PHLDB2: variants seen among roughly 807,000 people sequenced by gnomAD.
The protein encoded by PHLDB2 is pleckstrin homology like domain family B member 2.
Under a neutral mutation model 123.6 loss-of-function variants are expected in PHLDB2, and 71 were observed. The observed-to-expected ratio is 0.57, with a 90% CI of 0.47 to 0.70. The LOEUF is 0.70. Ranked by LOEUF, PHLDB2 falls within the 30% of genes least tolerant of loss-of-function variation. The probability of loss-of-function intolerance (pLI) is 0.00; values close to 1 mark genes in which losing one functional copy is unlikely to be tolerated. For missense variants in PHLDB2, 1,446 were observed against 1,519.5 expected, an observed-to-expected ratio of 0.95 and a Z score of 0.80; for synonymous variants, 547 against 541.6, an observed-to-expected ratio of 1.01 and a Z score of -0.14.
At chr3:111,915,124 G>C (rs1255756801) in intron 3 of PHLDB2, 1 of 152,142 alleles carries the variant, frequency 6.6e-6, no homozygotes, top group African/African-American at 2.4e-5. Flanking sequence ...TAGGATTAAT[G>C]TATTGATTTG....
At chr3:111,818,577 T>C (rs1239816293) in intron 1 of PHLDB2, among the ~76,000 whole-genome samples, 2 of 152,148 alleles carry the variant, frequency 1.3e-5, no homozygotes, top group Non-Finnish European at 2.9e-5. Flanking sequence ...ATTTCCACAA[T>C]GCCATACACT....
At chr3:111,764,081 C>T (rs1005542604) in intron 1 of PHLDB2, among the ~76,000 whole-genome samples, 6 of 152,112 alleles carry the variant, frequency 3.9e-5, no homozygotes, top group African/African-American at 9.7e-5. Flanking sequence ...CCTTTGACAC[C>T]GCTACTCAAG....
chr3:111,829,350 A>G (rs1267327556), intron 1 of PHLDB2, among the ~76,000 whole-genome samples: 1 of 150,448 alleles, frequency 6.6e-6, no homozygotes, highest in East Asian at 1.9e-4. Context: ...GGAAGGTATC[A>G]TGCTCACTCA....
At chr3:111,968,069 C>G (rs540788894) in intron 15 of PHLDB2, among the ~76,000 whole-genome samples, 2 of 150,712 alleles carry the variant, frequency 1.3e-5, no homozygotes, top group Non-Finnish European at 2.9e-5. Context: ...ATGCATGGAA[C>G]GTTTTGCCAG....
chr3:111,945,345 T>A lies in PHLDB2; in HGVS notation c.2475T>A (p.Asn825Lys), dbSNP rs751038821. The stretch of plus-strand genomic sequence containing the variant: ...GGAAAGGGTTTCCCGTTAACCCCAA[T>A]ACTTTAAAAGAGGTAAGCTATGATT... ...SGGKGFPVNP[N>K]TLKEGYISVN... Residue 825 changes from asparagine to lysine, a missense_variant, in exon 9 of 18, where the codon AAT becomes AAA. Transcript: ENST00000431670. 2 of 1,600,936 alleles carry A rather than the reference T, an allele frequency of 1.2e-6. No individual in the cohort carries two copies. Among genetic ancestry groups the A allele is most frequent in the East Asian group, 2.2e-5 (1 of 44,804 alleles).
In PHLDB2 at chr3:111,873,099, A is replaced by C. The variant is rs78872502; in HGVS notation, c.-14-10965A>C. ...CTTTCCTCTACAGATATGCATGGCC[A>C]AGAAGAAATGGTGCATGGCTGTTTC... On this transcript the variant is annotated intron_variant, in intron 1 of 17. Transcript: ENST00000431670. Among the ~76,000 whole-genome samples, 928 of 152,334 alleles carry C rather than the reference A, an allele frequency of 6.1e-3. 10 individuals carry two copies. Among genetic ancestry groups the C allele is most frequent in the African/African-American group, 0.021 (872 of 41,568 alleles).
At position 111,885,421 on chromosome 3, in the gene PHLDB2, C is replaced by G; in HGVS notation, c.1335+9C>G. 6.2e-7 allele frequency: 1 copy of G among 1,613,986 alleles called. No individual in the cohort carries two copies. The highest frequency in any genetic ancestry group is 8.5e-7 in the Non-Finnish European group (1 of 1,180,030). ...AGGAAATGGAGCGATTGGTAATCTT[C>G]ATCTCAACAGTGATTGACCTCACTG... On this transcript the variant is annotated intron_variant, in intron 2 of 17. Coordinates refer to ENST00000431670, the MANE Select transcript of PHLDB2 (RefSeq NM_001134438.2).
intron 8 of PHLDB2, among the ~76,000 whole-genome samples, chr3:111,943,847 A>G (rs1464954169): frequency 6.6e-6 from 1 of 152,194 alleles, no homozygotes; most frequent in African/African-American, 2.4e-5. Context: ...ACATCCATCT[A>G]TGACCCAGCA....
chr3:111,799,703 T>A (rs983341096), intron 1 of PHLDB2, among the ~76,000 whole-genome samples: 5 of 152,194 alleles, frequency 3.3e-5, no homozygotes, highest in African/African-American at 4.8e-5. Flanking sequence ...ATACTGTGAA[T>A]ATCTTCCTAT....
At chr3:111,792,497 G>A (rs1467775614) in intron 1 of PHLDB2, among the ~76,000 whole-genome samples, 3 of 152,108 alleles carry the variant, frequency 2.0e-5, no homozygotes, top group African/African-American at 7.2e-5. Flanking sequence ...CTTGAGCCCA[G>A]AAGTTCAAGA....
chr3:111,749,205 A>C (rs925702485), intron 1 of PHLDB2, among the ~76,000 whole-genome samples: 13 of 152,290 alleles, frequency 8.5e-5, no homozygotes, highest in Admixed American at 8.5e-4. Context: ...AACCACCAAC[A>C]ATGTAAGATG....
intron 1 of PHLDB2, among the ~76,000 whole-genome samples, chr3:111,841,380 G>A (rs933046023): frequency 6.6e-6 from 1 of 152,142 alleles, no homozygotes; most frequent in Non-Finnish European, 1.5e-5. Context: ...AAAAGGAAGA[G>A]GAAACTTCTT....
chr3:111,966,500 C>A, intron 13 of PHLDB2, 113 bp from the exon 14 acceptor site: 1 of 466,874 alleles, frequency 2.1e-6, no homozygotes. Context: ...CCCTTGACCC[C>A]ATGTGTGTGT....
At chr3:111,738,273 G>C (rs145153933) in intron 1 of PHLDB2, among the ~76,000 whole-genome samples, 56 of 152,174 alleles carry the variant, frequency 3.7e-4, no homozygotes, top group Non-Finnish European at 6.2e-4. Flanking sequence ...CAGTTGTGTT[G>C]ATAAATTATA....
intron 1 of PHLDB2, among the ~76,000 whole-genome samples, chr3:111,807,581 T>A (rs2061649643): frequency 6.6e-6 from 1 of 151,926 alleles, no homozygotes; most frequent in Admixed American, 6.6e-5. Flanking sequence ...TTAAAAAAAA[T>A]AGCCAGGCGC....
chr3:111,736,675 T>C (rs565662726), intron 1 of PHLDB2, among the ~76,000 whole-genome samples: 1 of 152,304 alleles, frequency 6.6e-6, no homozygotes, highest in African/African-American at 2.4e-5. Flanking sequence ...ACACAGCCTG[T>C]TCTCAGGCAG....
chr3:111,892,824 TAA>T (rs1350737765), intron 2 of PHLDB2, among the ~76,000 whole-genome samples: 5 of 152,216 alleles, frequency 3.3e-5, no homozygotes, highest in Non-Finnish European at 7.3e-5. Flanking sequence ...TAAAATTAAG[TAA>T]AAGACTAATT....
chr3:111,872,938 A>C (rs1378712480), intron 1 of PHLDB2, among the ~76,000 whole-genome samples: 9 of 152,192 alleles, frequency 5.9e-5, no homozygotes, highest in Admixed American at 5.9e-4. Context: ...CCTGATGGTA[A>C]ATCTCTAAAT....
chr3:111,862,702 T>G (rs992261933), intron 1 of PHLDB2, among the ~76,000 whole-genome samples: 11 of 152,212 alleles, frequency 7.2e-5, no homozygotes, highest in African/African-American at 2.2e-4. Flanking sequence ...GAAGCCGTTT[T>G]GTATGCAGCA....
Sources: allele counts gnomAD v4.1 joint callset (sites outside exome capture counted in the v4.1 genomes callset), GRCh38; gene constraint gnomAD v4.1.1; transcripts MANE v1.5; gene names NCBI Gene and HGNC (gene_info 2026-07-23, HGNC 2026-07-21).